TBC1D5: variants seen among roughly 807,000 people sequenced by gnomAD.
TBC1D5 encodes the protein TBC1 domain family member 5, also known as TBC1 domain family, member 5.
In TBC1D5, 75 loss-of-function variants were observed where a neutral mutation model predicts 100.3. That is an observed-to-expected ratio of 0.75 (90% CI 0.62 to 0.91). The LOEUF (loss-of-function observed/expected upper bound fraction) is 0.91. Ranked by LOEUF, TBC1D5 falls within the 40% of genes least tolerant of loss-of-function variation. The pLI is 0.00. For missense variants in TBC1D5, 910 were observed against 942.4 expected (o/e 0.97, Z 0.45); for synonymous variants, 323 against 325.6 (o/e 0.99, Z 0.09).
intron 1 of TBC1D5, among the ~76,000 whole-genome samples, chr3:17,699,789 G>T (rs375693014): frequency 6.7e-6 from 1 of 150,058 alleles, no homozygotes; most frequent in East Asian, 2.0e-4. Flanking sequence ...AGTATTGTGG[G>T]ATTAAAGGAG....
rs2074115419 is a variant in TBC1D5 at position 17,706,073 on chromosome 3, C to A, written c.-101+33270G>T. The stretch of plus-strand genomic sequence containing the variant: ...TGGGAGCCTACTGATTTCCCCCGAC[C>A]CCAGACTGGGCGGCGGCCTCCAGCT... On this transcript the variant is annotated intron_variant, in intron 1 of 21. Transcript: ENST00000253692. The A allele has an allele frequency of 1.8e-5, 29 of 1,602,162 alleles. No homozygotes were observed. The South Asian group carries it at 3.0e-4, about 17-fold the overall frequency.
At chr3:17,567,794 C>A (rs906881619) in intron 2 of TBC1D5, among the ~76,000 whole-genome samples, 13 of 151,548 alleles carry the variant, frequency 8.6e-5, no homozygotes, top group African/African-American at 3.1e-4. Flanking sequence ...AAATAAATTA[C>A]CTAGTCTTCA....
intron 3 of TBC1D5, among the ~76,000 whole-genome samples, chr3:17,475,516 G>T (rs1193514726): frequency 2.0e-5 from 3 of 152,014 alleles, no homozygotes; most frequent in Non-Finnish European, 2.9e-5. Flanking sequence ...AATCTTTCTA[G>T]ATAAATCTTT....
intron 17 of TBC1D5, among the ~76,000 whole-genome samples, chr3:17,218,257 C>T (rs1000990282): frequency 2.0e-5 from 3 of 151,904 alleles, no homozygotes; most frequent in Non-Finnish European, 4.4e-5. Context: ...GAAATCAAGA[C>T]ATGTGAGTTC....
intron 7 of TBC1D5, 76 bp from the exon 8 acceptor site, chr3:17,403,324 AAATGGTTAAAATTTATTCTT>A: frequency 2.0e-6 from 2 of 980,992 alleles, no homozygotes; most frequent in Non-Finnish European, 2.9e-6. Flanking sequence ...TTAATAATGT[AAATGGTTAAAATTTATTCTT>A]CTCTGAGATC....
At chr3:17,597,986 G>A (rs895145886) in intron 2 of TBC1D5, among the ~76,000 whole-genome samples, 3 of 143,742 alleles carry the variant, frequency 2.1e-5, no homozygotes, top group Non-Finnish European at 4.6e-5. Flanking sequence ...TAAGAAATAA[G>A]GTAGCCATTC....
At chr3:17,214,825 G>T (rs948879996) in intron 17 of TBC1D5, among the ~76,000 whole-genome samples, 1 of 151,970 alleles carries the variant, frequency 6.6e-6, no homozygotes, top group Non-Finnish European at 1.5e-5. Flanking sequence ...CTTCCCTCTG[G>T]TAAGGGAAAG....
At chr3:17,706,832 G>T (rs1290111325) in intron 1 of TBC1D5, among the ~76,000 whole-genome samples, 1 of 150,726 alleles carries the variant, frequency 6.6e-6, no homozygotes, top group Non-Finnish European at 1.5e-5. Context: ...AAAAAAATTA[G>T]ATCTAATCTA....
chr3:17,536,262 A>G (rs1238688309), intron 2 of TBC1D5, among the ~76,000 whole-genome samples: 3 of 152,164 alleles, frequency 2.0e-5, no homozygotes, highest in Non-Finnish European at 4.4e-5. Context: ...CATAGTCACA[A>G]AAGCACATCT....
intron 16 of TBC1D5, among the ~76,000 whole-genome samples, chr3:17,256,551 G>A (rs934313618): frequency 1.3e-5 from 2 of 151,664 alleles, no homozygotes; most frequent in Non-Finnish European, 2.9e-5. Flanking sequence ...AGAAAATCAT[G>A]AAGGGGAGAA....
At chr3:17,655,310 G>A (rs1270234376) in intron 1 of TBC1D5, among the ~76,000 whole-genome samples, 1 of 119,152 alleles carries the variant, frequency 8.4e-6, no homozygotes, top group Non-Finnish European at 1.7e-5. Flanking sequence ...CTGTTGTGGG[G>A]TGGGGGGAGG....
intron 13 of TBC1D5, among the ~76,000 whole-genome samples, chr3:17,355,913 A>G (rs1240931748): frequency 6.6e-6 from 1 of 152,176 alleles, no homozygotes; most frequent in Non-Finnish European, 1.5e-5. Context: ...CTCCTATTCT[A>G]GTAATGAAGC....
At chr3:17,534,553 C>T (rs559573348) in intron 2 of TBC1D5, among the ~76,000 whole-genome samples, 1 of 152,272 alleles carries the variant, frequency 6.6e-6, no homozygotes, top group African/African-American at 2.4e-5. Context: ...TTCTCTAACA[C>T]TTCACAATGC....
intron 2 of TBC1D5, among the ~76,000 whole-genome samples, chr3:17,519,455 CAA>C (rs2096036565): frequency 2.0e-5 from 3 of 152,136 alleles, no homozygotes; most frequent in Admixed American, 2.0e-4. Context: ...AGATACAGCT[CAA>C]AAGTCACTCT....
rs150452329 is a variant in TBC1D5 at position 17,528,390 on chromosome 3, C to T, written c.-35-19785G>A. Among the ~76,000 whole-genome samples, 7 of 152,210 alleles carry T rather than the reference C, an allele frequency of 4.6e-5. No homozygotes were observed. The East Asian group carries it at 9.6e-4, about 21-fold the overall frequency. On this transcript the variant is annotated intron_variant, in intron 2 of 21. Transcript: ENST00000253692. ...ACCATGTGAGGATACAACATTAATC[C>T]CTTAGGAGAATGCAGTAACAAGGTA...
At chr3:17,740,099 G>C (rs1446019652) in exon 1 of TBC1D5, 1 of 151,966 alleles carries the variant, frequency 6.6e-6, no homozygotes, top group Non-Finnish European at 1.5e-5. Context: ...CACATCACTT[G>C]AGGTCAGGAG....
At chr3:17,372,713 C>T (rs142270016) in intron 12 of TBC1D5, among the ~76,000 whole-genome samples, 2 of 152,330 alleles carry the variant, frequency 1.3e-5, no homozygotes, top group Non-Finnish European at 2.9e-5. Context: ...TGTTCAAATA[C>T]TCTGCTCAAA....
intron 3 of TBC1D5, among the ~76,000 whole-genome samples, chr3:17,432,703 A>T (rs2094465451): frequency 6.6e-6 from 1 of 152,240 alleles, no homozygotes; most frequent in Admixed American, 6.5e-5. Flanking sequence ...GTAAAATAGA[A>T]ATTCATAAGA....
At chr3:17,326,347 T>C (rs2086134836) in intron 13 of TBC1D5, among the ~76,000 whole-genome samples, 1 of 152,246 alleles carries the variant, frequency 6.6e-6, no homozygotes, top group Admixed American at 6.5e-5. Flanking sequence ...CTATTCACAG[T>C]CCTCAGATGG....
Sources: allele counts gnomAD v4.1 joint callset (sites outside exome capture counted in the v4.1 genomes callset), GRCh38; gene constraint gnomAD v4.1.1; transcripts MANE v1.5; gene names NCBI Gene and HGNC (gene_info 2026-07-23, HGNC 2026-07-21).